ANGPT1: variants seen among roughly 807,000 people sequenced by gnomAD.
The protein encoded by ANGPT1 is angiopoietin 1.
In ANGPT1, 17 loss-of-function variants were observed where a neutral mutation model predicts 62.2. That is an observed-to-expected ratio of 0.27 (90% CI 0.19 to 0.41). The LOEUF is 0.41. Among genes scored for constraint, ANGPT1 ranks in the 10% least tolerant of loss-of-function variants. The pLI is 1.00. For missense variants in ANGPT1, 478 were observed against 594.9 expected (o/e 0.80, Z 2.04); for synonymous variants, 199 against 198.9 (o/e 1.00, Z 0.00).
intron 1 of ANGPT1, among the ~76,000 whole-genome samples, chr8:107,491,157 A>G (rs76272013): frequency 0.053 from 8,028 of 152,152 alleles, 249 homozygotes; most frequent in South Asian, 0.11. Flanking sequence ...TGATTAAAAA[A>G]AAAAGAAGAA....
At chr8:107,476,432 T>A (rs767447536) in intron 1 of ANGPT1, among the ~76,000 whole-genome samples, 18 of 151,984 alleles carry the variant, frequency 1.2e-4, no homozygotes, top group Non-Finnish European at 1.6e-4. Context: ...CCAGGGCCTG[T>A]CATGGGGTGG....
At position 107,275,058 on chromosome 8, in the gene ANGPT1, AG is replaced by A. The variant is rs199648061; in HGVS notation, c.1205+9623del. On this transcript the variant is annotated intron_variant, in intron 7 of 8. Transcript: ENST00000517746. Reference sequence around the variant, plus strand: ...CTTAAAGGATCAAGAAAATCCAATTAGGCAAAGTGAATAAAATCTTGAAAAA... The same window carrying A: ...CTTAAAGGATCAAGAAAATCCAATTAGCAAAGTGAATAAAATCTTGAAAAA... 7.7e-3 allele frequency among the ~76,000 whole-genome samples: 1,167 copies of A among 152,238 alleles called. 21 individuals carry two copies. Among genetic ancestry groups the A allele is most frequent in the African/African-American group, 0.026 (1,079 of 41,544 alleles).
intron 3 of ANGPT1, chr8:107,322,839 A>G (rs999879794): frequency 5.4e-6 from 1 of 183,580 alleles, no homozygotes; most frequent in African/African-American, 2.4e-5. Context: ...ACACATACAA[A>G]AAGAAAACTA....
chr8:107,489,871 G>A (rs1334610014), intron 1 of ANGPT1, among the ~76,000 whole-genome samples: 1 of 151,570 alleles, frequency 6.6e-6, no homozygotes, highest in South Asian at 2.1e-4. Flanking sequence ...GACAAAAGTC[G>A]AGGATGACTC....
At chr8:107,344,378 C>T (rs569877320) in intron 2 of ANGPT1, among the ~76,000 whole-genome samples, 29 of 152,212 alleles carry the variant, frequency 1.9e-4, no homozygotes, top group African/African-American at 7.0e-4. Flanking sequence ...AAACTGATAA[C>T]AGAGTGAGAA....
chr8:107,402,642 C>G (rs1301356845), intron 1 of ANGPT1, among the ~76,000 whole-genome samples: 4 of 152,082 alleles, frequency 2.6e-5, no homozygotes, highest in Admixed American at 2.0e-4. Context: ...AAAGAAGTGA[C>G]AAGTTAAGTC....
intron 7 of ANGPT1, among the ~76,000 whole-genome samples, chr8:107,272,884 A>C (rs1813771318): frequency 1.2e-5 from 1 of 85,318 alleles, no homozygotes; most frequent in Non-Finnish European, 2.4e-5. Context: ...TTTTTTAAGA[A>C]TACATAAAAA....
At chr8:107,307,580 C>T (rs148156054) in intron 4 of ANGPT1, among the ~76,000 whole-genome samples, 114 of 152,164 alleles carry the variant, frequency 7.5e-4, no homozygotes, top group Middle Eastern at 3.4e-3. Context: ...TTTCCCCTCG[C>T]GTTTTTTGTT....
At chr8:107,291,916 TAATA>T (rs1814288839) in intron 6 of ANGPT1, among the ~76,000 whole-genome samples, 2 of 141,898 alleles carry the variant, frequency 1.4e-5, no homozygotes, top group Non-Finnish European at 3.0e-5. Flanking sequence ...GCTTGCCACT[TAATA>T]GGCAGTCTAT....
intron 1 of ANGPT1, among the ~76,000 whole-genome samples, chr8:107,399,527 A>G (rs1817001299): frequency 2.0e-5 from 3 of 152,148 alleles, no homozygotes; most frequent in Admixed American, 2.0e-4. Flanking sequence ...CCCATTAAAA[A>G]CGCATCATTT....
intron 1 of ANGPT1, 60 bp from the exon 2 acceptor site, chr8:107,347,157 T>C (rs1815824271): frequency 2.6e-6 from 4 of 1,518,796 alleles, no homozygotes; most frequent in Non-Finnish European, 3.6e-6. Context: ...AGTTCGGGCA[T>C]GTAATATTTA....
intron 1 of ANGPT1, among the ~76,000 whole-genome samples, chr8:107,432,438 G>A (rs1325572556): frequency 8.5e-5 from 13 of 152,148 alleles, no homozygotes; most frequent in Non-Finnish European, 1.5e-5. Context: ...GCCAAGGCAG[G>A]CAGATCACGA....
intron 1 of ANGPT1, among the ~76,000 whole-genome samples, chr8:107,363,636 G>T (rs576432501): frequency 2.0e-5 from 3 of 151,866 alleles, no homozygotes; most frequent in Non-Finnish European, 4.4e-5. Flanking sequence ...TATTGTTTGA[G>T]GATTAAATAA....
chr8:107,377,927 A>G (rs1429822772), intron 1 of ANGPT1, among the ~76,000 whole-genome samples: 1 of 66,474 alleles, frequency 1.5e-5, no homozygotes, highest in African/African-American at 3.6e-5. Context: ...TGTCATGAAA[A>G]AAAAACATAT....
In ANGPT1 at chr8:107,444,023, G is replaced by T. The variant is rs796451088; in HGVS notation, c.297+53239C>A. Among the ~76,000 whole-genome samples, 16 of 152,256 alleles carry T rather than the reference G, an allele frequency of 1.1e-4. 1 individual carries two copies. Among genetic ancestry groups the T allele is most frequent in the African/African-American group, 3.4e-4 (14 of 41,540 alleles). ...GCTTAATGGCAATGTCATTAAATGTGTTCAAGAAGAGTCTATGTCCTTCCA... is the reference window on the plus strand; with the variant it reads ...GCTTAATGGCAATGTCATTAAATGTTTTCAAGAAGAGTCTATGTCCTTCCA... On this transcript the variant is annotated intron_variant, in intron 1 of 8. Coordinates refer to ENST00000517746, the MANE Select transcript of ANGPT1 (RefSeq NM_001146.5).
intron 4 of ANGPT1, among the ~76,000 whole-genome samples, chr8:107,317,524 C>G (rs758724605): frequency 1.3e-5 from 2 of 151,660 alleles, no homozygotes; most frequent in Middle Eastern, 3.4e-3. Flanking sequence ...TTTTTACATG[C>G]TGTTAGTAAT....
chr8:107,304,861 T>A (rs1352035847), intron 4 of ANGPT1, among the ~76,000 whole-genome samples: 3 of 151,808 alleles, frequency 2.0e-5, no homozygotes, highest in Non-Finnish European at 4.4e-5. Context: ...AATACCACCA[T>A]CACAATTGCC....
At chr8:107,271,364 AT>A (rs1325188712) in intron 7 of ANGPT1, among the ~76,000 whole-genome samples, 1 of 152,136 alleles carries the variant, frequency 6.6e-6, no homozygotes, top group Non-Finnish European at 1.5e-5. Flanking sequence ...TTGCAAAAAA[AT>A]TAAAGTAATC....
intron 6 of ANGPT1, 73 bp from the exon 7 acceptor site, chr8:107,284,921 T>G: frequency 1.7e-6 from 2 of 1,151,612 alleles, no homozygotes; most frequent in Non-Finnish European, 2.3e-6. Context: ...TTAACTATTT[T>G]CTAAATAATA....
Sources: gnomAD v4.1 joint callset for allele counts (sites outside exome capture counted in the v4.1 genomes callset) on GRCh38, gnomAD v4.1.1 for gene constraint, MANE v1.5 for transcripts, NCBI Gene and HGNC (gene_info 2026-07-23, HGNC 2026-07-21) for gene names.